NRXN3: variants seen among roughly 807,000 people sequenced by gnomAD.
NRXN3 encodes the protein neurexin 3.
In NRXN3, 32 loss-of-function variants were observed where a neutral mutation model predicts 137.6. The observed-to-expected ratio is 0.23, with a 90% CI of 0.18 to 0.31. The LOEUF (loss-of-function observed/expected upper bound fraction) is 0.31. Among genes scored for constraint, NRXN3 ranks in the 10% least tolerant of loss-of-function variants. NRXN3 has a pLI of 1.00. For synonymous variants in NRXN3, 798 were observed against 784.5 expected, an observed-to-expected ratio of 1.02 and a Z score of -0.29; for missense variants, 1,574 against 2,062.5, an observed-to-expected ratio of 0.76 and a Z score of 4.59.
chr14:79,512,085 G>C (rs2096937541), intron 16 of NRXN3, among the ~76,000 whole-genome samples: 1 of 152,126 alleles, frequency 6.6e-6, no homozygotes, highest in Admixed American at 6.5e-5. Flanking sequence ...TTTTAGTAGA[G>C]ATGGGGTTTC....
Position 79,805,193 on chromosome 14 carries a change from A to G in NRXN3, c.4093+3A>G, listed in dbSNP as rs1348541974. On this transcript the variant is annotated splice_donor_region_variant and intron_variant, in intron 20 of 20. Coordinates refer to ENST00000335750, the MANE Select transcript of NRXN3 (RefSeq NM_001330195.2). The stretch of plus-strand genomic sequence containing the variant: ...TGTTGAATGTGAGCCGAGTACAGGT[A>G]GGTCAGGTCAGTCTTATTTTGCTTG... 6.2e-7 allele frequency: 1 copy of G among 1,612,766 alleles called. No homozygotes were observed. The highest frequency in any genetic ancestry group is 8.5e-7 in the Non-Finnish European group (1 of 1,178,930).
At chr14:78,180,035 A>G (rs1210935522) in intron 1 of NRXN3, among the ~76,000 whole-genome samples, 1 of 151,688 alleles carries the variant, frequency 6.6e-6, no homozygotes, top group South Asian at 2.1e-4. Flanking sequence ...TTTAGTAGAG[A>G]CAGGGGTTCA....
intron 15 of NRXN3, chr14:79,201,071 A>T (rs1482456554): frequency 1.3e-5 from 2 of 151,940 alleles, no homozygotes; most frequent in Admixed American, 1.3e-4. Flanking sequence ...AGTTCCTAGG[A>T]CTTGGATAAA....
intron 8 of NRXN3, among the ~76,000 whole-genome samples, chr14:78,772,587 CAAAT>C (rs1031719594): frequency 1.6e-4 from 24 of 152,110 alleles, no homozygotes; most frequent in Non-Finnish European, 2.5e-4. Context: ...TAAGAAATAA[CAAAT>C]AACAGATCAG....
intron 4 of NRXN3, among the ~76,000 whole-genome samples, chr14:78,364,586 A>G (rs952246020): frequency 2.6e-5 from 4 of 152,216 alleles, no homozygotes; most frequent in Non-Finnish European, 5.9e-5. Context: ...AGATGGATAC[A>G]TGTGTCATAC....
intron 6 of NRXN3, among the ~76,000 whole-genome samples, chr14:78,705,949 G>A (rs769017019): frequency 3.9e-5 from 6 of 152,094 alleles, no homozygotes; most frequent in Admixed American, 2.0e-4. Flanking sequence ...TCTTCATTCC[G>A]GCTATTCACC....
chr14:78,177,533 G>A (rs761383019), intron 1 of NRXN3, among the ~76,000 whole-genome samples: 3 of 152,156 alleles, frequency 2.0e-5, no homozygotes, highest in African/African-American at 7.2e-5. Context: ...GGGAGACAGT[G>A]TCTGTTTAGG....
At chr14:78,675,950 G>A (rs1295278303) in intron 6 of NRXN3, among the ~76,000 whole-genome samples, 1 of 151,968 alleles carries the variant, frequency 6.6e-6, no homozygotes, top group African/African-American at 2.4e-5. Context: ...AGTTATCTTC[G>A]ATGTTACTAT....
chr14:78,595,877 A>G (rs999944643), intron 4 of NRXN3, among the ~76,000 whole-genome samples: 20 of 152,202 alleles, frequency 1.3e-4, no homozygotes, highest in Admixed American at 1.2e-3. Context: ...ATATTGAGAC[A>G]GGCTACATAT....
At chr14:78,290,794 A>G (rs1449595166) in intron 3 of NRXN3, among the ~76,000 whole-genome samples, 1 of 152,096 alleles carries the variant, frequency 6.6e-6, no homozygotes, top group African/African-American at 2.4e-5. Context: ...TCCATTCAAA[A>G]GCTCCTGTGC....
At chr14:79,591,155 G>C (rs143785781) in intron 16 of NRXN3, among the ~76,000 whole-genome samples, 6 of 152,028 alleles carry the variant, frequency 3.9e-5, no homozygotes, top group African/African-American at 1.4e-4. Flanking sequence ...AATGGCTTTG[G>C]GCAACATTTA....
At chr14:79,600,996 ATCT>A (rs2097915738) in intron 16 of NRXN3, among the ~76,000 whole-genome samples, 1 of 150,526 alleles carries the variant, frequency 6.6e-6, no homozygotes, top group Non-Finnish European at 1.5e-5. Flanking sequence ...GTTCTTAACA[ATCT>A]TCTTCATCAG....
intron 15 of NRXN3, among the ~76,000 whole-genome samples, chr14:79,006,515 A>T (rs1213338114): frequency 6.6e-6 from 1 of 152,200 alleles, no homozygotes; most frequent in East Asian, 1.9e-4. Context: ...AACATTTAAG[A>T]AATTTACTCC....
chr14:79,780,457 A>C (rs1412707533), intron 19 of NRXN3, among the ~76,000 whole-genome samples: 1 of 151,784 alleles, frequency 6.6e-6, no homozygotes, highest in African/African-American at 2.4e-5. Context: ...AAAAAAAACA[A>C]AATTAGCCAG....
intron 19 of NRXN3, among the ~76,000 whole-genome samples, chr14:79,732,723 C>T (rs2098928463): frequency 6.6e-6 from 1 of 152,066 alleles, no homozygotes; most frequent in Non-Finnish European, 1.5e-5. Flanking sequence ...ACTTAATTCC[C>T]ACAATAACTG....
intron 4 of NRXN3, among the ~76,000 whole-genome samples, chr14:78,608,655 C>T (rs1185434861): frequency 6.6e-6 from 1 of 152,054 alleles, no homozygotes; most frequent in Non-Finnish European, 1.5e-5. Flanking sequence ...ATTTCTTTGT[C>T]GACTGAGATG....
intron 15 of NRXN3, among the ~76,000 whole-genome samples, chr14:79,328,863 C>G (rs2091281314): frequency 6.6e-6 from 1 of 152,174 alleles, no homozygotes; most frequent in Non-Finnish European, 1.5e-5. Context: ...TTGATATACA[C>G]ATATTCAACA....
intron 4 of NRXN3, among the ~76,000 whole-genome samples, chr14:78,477,380 G>A (rs2095398539): frequency 6.6e-6 from 1 of 152,164 alleles, no homozygotes; most frequent in Admixed American, 6.5e-5. Flanking sequence ...AGAAACTTTA[G>A]TGTTGAAAAT....
chr14:79,700,021 G>A (rs1407498376), intron 19 of NRXN3, among the ~76,000 whole-genome samples: 1 of 151,898 alleles, frequency 6.6e-6, no homozygotes, highest in Admixed American at 6.6e-5. Flanking sequence ...AATCTTTTTT[G>A]TTCTTGACCA....
Sources: gnomAD v4.1 joint callset for allele counts (sites outside exome capture counted in the v4.1 genomes callset) on GRCh38, gnomAD v4.1.1 for gene constraint, MANE v1.5 for transcripts, NCBI Gene and HGNC (gene_info 2026-07-23, HGNC 2026-07-21) for gene names.